The following TMX2 variants were observed in gnomAD, a reference collection of about 807,000 sequenced individuals.
TMX2 encodes the protein thioredoxin-related transmembrane protein 2.
Under a neutral mutation model 33.4 loss-of-function variants are expected in TMX2, and 20 were observed. The observed-to-expected ratio is 0.60, with a 90% CI of 0.42 to 0.87. The LOEUF (loss-of-function observed/expected upper bound fraction) is 0.87. TMX2 is among the 40% of genes least tolerant of loss of function. The pLI is 0.00. For synonymous variants in TMX2, 166 were observed against 140.7 expected (o/e 1.18, Z -1.27); for missense variants, 340 against 370.7 (o/e 0.92, Z 0.68).
chr11:57,736,278 A>T (rs1246216101), intron 1 of TMX2, among the ~76,000 whole-genome samples: 9 of 151,956 alleles, frequency 5.9e-5, no homozygotes, highest in Non-Finnish European at 1.3e-4. Flanking sequence ...CCTGGGCCAC[A>T]TTGGAAGAAT....
At chr11:57,734,156 C>A (rs1373015778) in intron 1 of TMX2, among the ~76,000 whole-genome samples, 1 of 54,732 alleles carries the variant, frequency 1.8e-5, no homozygotes, top group Admixed American at 2.5e-4. Context: ...GACCCTGTCT[C>A]CAAAAAAAAA....
chr11:57,740,365 A>C lies in TMX2; in HGVS notation c.*120A>C. ...TTTGGCTGTGACTGGGTGGGGCAGC[A>C]TGCAGCTTCTGATTTTAAAGAGGCA... On this transcript the variant is annotated 3_prime_UTR_variant, in exon 8 of 8. Transcript: ENST00000278422. The C allele has an allele frequency of 8.1e-7, 1 of 1,231,458 alleles. No individual in the cohort carries two copies. The highest frequency in any genetic ancestry group is 1.1e-6 in the Non-Finnish European group (1 of 921,838). The allele number at this position is 1,231,458 out of a possible 1,614,324, so 76.3% of individuals were successfully genotyped here.
rs539940982 is a variant in TMX2, at chr11:57,713,321, C to T, written c.189+514C>T. ...ACACTACCTGCACAACACTGTCAGC[C>T]GCTTCTTAATTCAATAAACATTTCT... On this transcript the variant is annotated intron_variant, in intron 1 of 7. Coordinates refer to ENST00000278422, the MANE Select transcript of TMX2 (RefSeq NM_015959.4). 8.5e-5 allele frequency among the ~76,000 whole-genome samples: 13 copies of T among 152,258 alleles called. No individual in the cohort carries two copies. The East Asian group carries it at 2.1e-3, about 25-fold the overall frequency.
intron 1 of TMX2, 93 bp from the exon 2 acceptor site, chr11:57,737,515 G>T: frequency 1.0e-6 from 1 of 998,140 alleles, no homozygotes; most frequent in East Asian, 2.5e-5. Context: ...AGTTTGGATC[G>T]CTATTGGTTT....
chr11:57,723,215 C>T (rs549550527), intron 1 of TMX2, among the ~76,000 whole-genome samples: 116 of 152,294 alleles, frequency 7.6e-4, no homozygotes, highest in Middle Eastern at 6.8e-3. Context: ...TACAGTGGCT[C>T]ACGCCTGTAA....
chr11:57,716,694 C>G (rs1379474186), intron 1 of TMX2, among the ~76,000 whole-genome samples: 3 of 143,578 alleles, frequency 2.1e-5, no homozygotes, highest in Non-Finnish European at 4.6e-5. Flanking sequence ...CCGGACGGGG[C>G]GGCAGGCCGG....
At chr11:57,731,551 A>T (rs1416824349) in intron 1 of TMX2, among the ~76,000 whole-genome samples, 1 of 149,910 alleles carries the variant, frequency 6.7e-6, no homozygotes, top group Non-Finnish European at 1.5e-5. Flanking sequence ...ACATATTCTC[A>T]GGACCTCCAG....
intron 1 of TMX2, among the ~76,000 whole-genome samples, chr11:57,717,031 C>T (rs1276708970): frequency 2.6e-4 from 38 of 146,698 alleles, no homozygotes; most frequent in Admixed American, 1.1e-3. Flanking sequence ...GACGGGGTCG[C>T]GGCCGGGCAG....
chr11:57,731,694 G>C (rs932506211), intron 1 of TMX2, among the ~76,000 whole-genome samples: 1 of 152,044 alleles, frequency 6.6e-6, no homozygotes, highest in Non-Finnish European at 1.5e-5. Flanking sequence ...CCAAGTGGTG[G>C]AGACCAAGAA....
intron 1 of TMX2, among the ~76,000 whole-genome samples, chr11:57,733,147 G>C (rs182755615): frequency 1.3e-5 from 2 of 150,854 alleles, no homozygotes; most frequent in African/African-American, 4.9e-5. Flanking sequence ...AAAATGTCAT[G>C]ATACGGCACA....
intron 3 of TMX2, 71 bp downstream of exon 3, chr11:57,738,097 A>C: frequency 8.1e-7 from 1 of 1,227,310 alleles, no homozygotes; most frequent in South Asian, 1.4e-5. Context: ...TGTGGAAACC[A>C]CAGTCCCAAC....
At position 57,739,295 on chromosome 11, in the gene TMX2, C is replaced by T. The variant is rs552228232; in HGVS notation, c.744+35C>T. The T allele has an allele frequency of 1.9e-6, 3 of 1,612,192 alleles. No homozygotes were observed. The South Asian group carries it at 3.3e-5, about 18-fold the overall frequency. On this transcript the variant is annotated intron_variant, in intron 7 of 7. Coordinates refer to ENST00000278422, the MANE Select transcript of TMX2 (RefSeq NM_015959.4). ...AGGAAGGGCAGGTGCATGAAGGGTG[C>T]AGAACAGTAGGTGGGCTTTCAAGCC... is the stretch of plus-strand genomic sequence containing the variant.
At chr11:57,719,792 A>G (rs1460629177) in intron 1 of TMX2, among the ~76,000 whole-genome samples, 2 of 152,032 alleles carry the variant, frequency 1.3e-5, no homozygotes, top group African/African-American at 2.4e-5. Context: ...TGCTGGGACT[A>G]TAGGCATGAA....
At position 57,712,612 on chromosome 11, in the gene TMX2, C is replaced by T; in HGVS notation, c.-7C>T. ...GCCGGCGAGCAGTGGCCGTTACGGC[C>T]GAAAAGATGGCGGTCTTGGCACCTC... On this transcript the variant is annotated 5_prime_UTR_variant, in exon 1 of 8. Transcript: ENST00000278422. 6.2e-7 allele frequency: 1 copy of T among 1,606,050 alleles called. No homozygotes were observed. Among genetic ancestry groups the T allele is most frequent in the Non-Finnish European group, 8.5e-7 (1 of 1,174,684 alleles).
Position 57,739,126 on chromosome 11 carries a change from T to C in TMX2, c.615-5T>C, listed in dbSNP as rs752283212. The C allele has an allele frequency of 9.3e-6, 15 of 1,614,000 alleles. No homozygotes were observed. The highest frequency in any genetic ancestry group is 1.2e-5 in the Non-Finnish European group (14 of 1,180,026). ...GACATTTAGAGAACTTTCTGGGCCC[T>C]GCAGGTACAAAGTGAGCACATCACC... On this transcript the variant is annotated splice_region_variant and splice_polypyrimidine_tract_variant and intron_variant, in intron 6 of 7. Transcript: ENST00000278422.
rs2956984 is a variant in TMX2, at chr11:57,719,240, T to C, written c.189+6433T>C. On this transcript the variant is annotated intron_variant, in intron 1 of 7. Transcript: ENST00000278422. ...TTAGTAGAGACGGGTTTTCACCATG[T>C]TGGCCAGGATGGTCTCGATCTCCTG... Among the ~76,000 whole-genome samples the C allele has an allele frequency of 9.8e-3, 1,486 of 150,946 alleles. 27 individuals are homozygous for C. Among genetic ancestry groups the C allele is most frequent in the African/African-American group, 0.035 (1,428 of 41,112 alleles).
At chr11:57,718,501 G>T in intron 1 of TMX2, 1 of 821,124 alleles carries the variant, frequency 1.2e-6, no homozygotes, top group Non-Finnish European at 2.1e-6. Flanking sequence ...CACCATCCAC[G>T]GTGATGTCAA....
At chr11:57,734,215 C>T (rs1948601621) in intron 1 of TMX2, among the ~76,000 whole-genome samples, 1 of 139,630 alleles carries the variant, frequency 7.2e-6, no homozygotes, top group African/African-American at 2.6e-5. Flanking sequence ...ACTTTCTTAA[C>T]TGCCTGAACC....
intron 1 of TMX2, among the ~76,000 whole-genome samples, chr11:57,715,146 TC>T (rs1392651323): frequency 1.3e-5 from 2 of 152,158 alleles, no homozygotes; most frequent in Non-Finnish European, 2.9e-5. Flanking sequence ...ACATCTGTAA[TC>T]CCAGCACTTT....
Sources: allele counts gnomAD v4.1 joint callset (sites outside exome capture counted in the v4.1 genomes callset), GRCh38; gene constraint gnomAD v4.1.1; transcripts MANE v1.5; gene names NCBI Gene and HGNC (gene_info 2026-07-23, HGNC 2026-07-21).